The following STK24 variants were observed in gnomAD, a reference collection of about 807,000 sequenced individuals.
STK24 encodes the protein serine/threonine-protein kinase 24.
A neutral mutation model predicts 55.6 loss-of-function variants in STK24; 21 were observed. The ratio of observed to expected loss-of-function variants is 0.38; its 90% CI spans 0.27 to 0.54. The LOEUF (loss-of-function observed/expected upper bound fraction) is 0.54, where lower values mean the gene tolerates loss of function less well. Ranked by LOEUF, STK24 falls within the 20% of genes least tolerant of loss-of-function variation. The pLI is 0.79. For synonymous variants in STK24, 200 were observed against 215.2 expected (o/e 0.93, Z 0.62); for missense variants, 383 against 538.4 (o/e 0.71, Z 2.86).
At chr13:98,554,845 T>C (rs1897244871) in intron 1 of STK24, among the ~76,000 whole-genome samples, 1 of 151,738 alleles carries the variant, frequency 6.6e-6, no homozygotes, top group Non-Finnish European at 1.5e-5. Flanking sequence ...TGAAACCCAG[T>C]CTGTACTAAA....
chr13:98,471,655 G>A (rs1191510298), intron 5 of STK24, among the ~76,000 whole-genome samples: 1 of 152,202 alleles, frequency 6.6e-6, no homozygotes, highest in African/African-American at 2.4e-5. Flanking sequence ...CAACACCTGA[G>A]CAGCCCAGAC....
At chr13:98,466,874 G>C (rs1893944312) in intron 5 of STK24, among the ~76,000 whole-genome samples, 1 of 152,198 alleles carries the variant, frequency 6.6e-6, no homozygotes, top group South Asian at 2.1e-4. Context: ...GAGGTGAGCA[G>C]AGAGGAGGAG....
chr13:98,475,709 C>T (rs1191598412), intron 3 of STK24, among the ~76,000 whole-genome samples: 16 of 152,210 alleles, frequency 1.1e-4, no homozygotes, highest in African/African-American at 1.4e-4. Context: ...GCCCACGACC[C>T]GGCCTGCGCC....
At chr13:98,463,499 C>G (rs1166139263) in intron 7 of STK24, among the ~76,000 whole-genome samples, 192 bp downstream of exon 7, 1 of 152,146 alleles carries the variant, frequency 6.6e-6, no homozygotes, top group Non-Finnish European at 1.5e-5. Context: ...CGCAGAAACT[C>G]CACCAGCAAC....
Position 98,447,950 on chromosome 13 carries a change from C to A in STK24, c.*5223G>T. 2.1e-6 allele frequency: 1 copy of A among 472,278 alleles called. No individual in the cohort carries two copies. Among genetic ancestry groups the A allele is most frequent in the Non-Finnish European group, 3.8e-6 (1 of 263,912 alleles). The allele number at this position is 472,278 out of a possible 1,614,324, so 29.3% of individuals were successfully genotyped here. A position where few individuals can be genotyped will look rare whatever the true frequency, so the allele number is the denominator to read the frequency against. On this transcript the variant is annotated 3_prime_UTR_variant, in exon 11 of 11. Transcript: ENST00000539966. ...CCATGAAAATAGGAGGTAGCGTTCT[C>A]CCCAGCAACCAGAGGCCACCTCGCT...
chr13:98,484,265 A>G (rs974728235), intron 2 of STK24, among the ~76,000 whole-genome samples: 2 of 152,324 alleles, frequency 1.3e-5, no homozygotes, highest in African/African-American at 2.4e-5. Context: ...AAACACCAGT[A>G]TCTTTCTAGA....
At chr13:98,472,151 G>T (rs1195698279) in intron 5 of STK24, among the ~76,000 whole-genome samples, 2 of 152,172 alleles carry the variant, frequency 1.3e-5, no homozygotes, top group African/African-American at 4.8e-5. Flanking sequence ...CCAGAGCCAC[G>T]CCCAGTGGGA....
At chr13:98,522,109 GC>G (rs1896282402) in intron 1 of STK24, 2 of 1,306,002 alleles carry the variant, frequency 1.5e-6, no homozygotes, top group Non-Finnish European at 2.0e-6. Flanking sequence ...GGTCACCAGT[GC>G]TGCAATGTCG....
At chr13:98,506,545 G>A (rs1414746846) in intron 2 of STK24, among the ~76,000 whole-genome samples, 1 of 152,158 alleles carries the variant, frequency 6.6e-6, no homozygotes, top group African/African-American at 2.4e-5. Flanking sequence ...AGCTCACAGG[G>A]CAATGTCTCC....
At chr13:98,573,447 T>C (rs562022902) in intron 1 of STK24, among the ~76,000 whole-genome samples, 1 of 152,360 alleles carries the variant, frequency 6.6e-6, no homozygotes, top group East Asian at 1.9e-4. Context: ...TTCGTCACTA[T>C]ATTCATTCAG....
chr13:98,566,117 C>T (rs1897563835), intron 1 of STK24, among the ~76,000 whole-genome samples: 1 of 152,204 alleles, frequency 6.6e-6, no homozygotes. Flanking sequence ...CCTTGCTGTG[C>T]CAGGCACGCT....
At chr13:98,495,027 A>C (rs1176523581) in intron 2 of STK24, among the ~76,000 whole-genome samples, 1 of 152,226 alleles carries the variant, frequency 6.6e-6, no homozygotes, top group African/African-American at 2.4e-5. Context: ...TCCAAGAAAC[A>C]GCCTCCCAGC....
chr13:98,514,540 T>C (rs1166007383), intron 2 of STK24, among the ~76,000 whole-genome samples: 2 of 152,188 alleles, frequency 1.3e-5, no homozygotes, highest in African/African-American at 4.8e-5. Flanking sequence ...GTGAATCTGA[T>C]GGGTCAAACT....
chr13:98,535,630 G>A (rs919481072), intron 1 of STK24, among the ~76,000 whole-genome samples: 4 of 152,096 alleles, frequency 2.6e-5, no homozygotes, highest in Admixed American at 2.0e-4. Flanking sequence ...TCACAAATAC[G>A]GTTTCTAGAC....
intron 1 of STK24, chr13:98,553,585 G>T: frequency 6.2e-6 from 1 of 160,378 alleles, no homozygotes. Context: ...AAAACATCCC[G>T]GCCTATCCGT....
rs555644707 is a variant in STK24, at chr13:98,477,874, G to C, written c.331-2516C>G. On this transcript the variant is annotated intron_variant, in intron 3 of 10. Coordinates refer to ENST00000539966, the MANE Select transcript of STK24 (RefSeq NM_001032296.4). ...AAGGGCGCTAAGAGGAAGAGGTGAG[G>C]AACACTCATGGAAAATCCTCCCCTG... Among the ~76,000 whole-genome samples, 9 of 152,182 alleles carry C rather than the reference G, an allele frequency of 5.9e-5. No individual in the cohort carries two copies. The East Asian group carries it at 1.5e-3, about 26-fold the overall frequency.
chr13:98,524,321 C>T (rs1896357258), intron 1 of STK24, among the ~76,000 whole-genome samples: 1 of 152,028 alleles, frequency 6.6e-6, no homozygotes, highest in Admixed American at 6.5e-5. Context: ...CTGGTGTACC[C>T]TCTCCAAGGT....
chr13:98,449,384 G>C lies in STK24; in HGVS notation c.*3789C>G, dbSNP rs1456010314. 1 of 152,142 alleles carries C rather than the reference G, an allele frequency of 6.6e-6. No individual in the cohort carries two copies. Among genetic ancestry groups the C allele is most frequent in the Non-Finnish European group, 1.5e-5 (1 of 68,048 alleles). 9.4% of individuals were successfully genotyped at this position (152,142 alleles called of 1,614,324 possible). On this transcript the variant is annotated 3_prime_UTR_variant, in exon 11 of 11. Coordinates refer to ENST00000539966, the MANE Select transcript of STK24 (RefSeq NM_001032296.4). ...GGGTAGTGTCAGTCGGACTGCACAG[G>C]GAACACGGTTTCCAGTGGCTTTGGC...
chr13:98,545,633 C>CAAAAAA (rs57995539), intron 1 of STK24, among the ~76,000 whole-genome samples: 1 of 118,158 alleles, frequency 8.5e-6, no homozygotes, highest in Non-Finnish European at 1.7e-5. Flanking sequence ...AACTCCATCT[C>CAAAAAA]AAAAAAAAAA....
Sources: allele counts gnomAD v4.1 joint callset (sites outside exome capture counted in the v4.1 genomes callset), GRCh38; gene constraint gnomAD v4.1.1; transcripts MANE v1.5; gene names NCBI Gene and HGNC (gene_info 2026-07-23, HGNC 2026-07-21).